The following PRKCE variants were observed in gnomAD, a reference collection of about 807,000 sequenced individuals.
PRKCE encodes the protein protein kinase C epsilon type.
Under a neutral mutation model 85.4 loss-of-function variants are expected in PRKCE, and 16 were observed. That is an observed-to-expected ratio of 0.19 (90% CI 0.13 to 0.28). The LOEUF is 0.28. Ranked by LOEUF, PRKCE falls within the 10% of genes least tolerant of loss-of-function variation. The pLI is 1.00. For missense variants in PRKCE, 573 were observed against 975.2 expected (o/e 0.59, Z 5.49); for synonymous variants, 388 against 371.5 (o/e 1.04, Z -0.51).
intron 11 of PRKCE, among the ~76,000 whole-genome samples, chr2:46,135,665 A>G (rs943424833): frequency 6.7e-6 from 1 of 149,402 alleles, no homozygotes. Context: ...CCAGAATGAA[A>G]TATTATCTTT....
intron 11 of PRKCE, among the ~76,000 whole-genome samples, chr2:46,122,417 C>T (rs1409022160): frequency 2.0e-5 from 3 of 151,792 alleles, no homozygotes; most frequent in Admixed American, 6.6e-5. Flanking sequence ...TTTTAGTAGA[C>T]GGGGTTTCGC....
intron 14 of PRKCE, among the ~76,000 whole-genome samples, chr2:46,175,234 G>A (rs1466222682): frequency 6.6e-6 from 1 of 152,192 alleles, no homozygotes; most frequent in Non-Finnish European, 1.5e-5. Flanking sequence ...CACATATTTG[G>A]CTATTTGCCT....
chr2:46,134,526 G>T (rs1409073022), intron 11 of PRKCE, among the ~76,000 whole-genome samples: 2 of 152,248 alleles, frequency 1.3e-5, no homozygotes, highest in Admixed American at 1.3e-4. Flanking sequence ...AAAAATGCCT[G>T]CTGGCAAAGG....
chr2:45,687,224 C>T (rs934425064), intron 1 of PRKCE, among the ~76,000 whole-genome samples: 8 of 151,744 alleles, frequency 5.3e-5, no homozygotes, highest in Admixed American at 1.3e-4. Flanking sequence ...AAAAACCAAA[C>T]GACTAATATC....
chr2:45,771,584 G>A (rs1395510030), intron 1 of PRKCE, among the ~76,000 whole-genome samples: 1 of 152,174 alleles, frequency 6.6e-6, no homozygotes, highest in Non-Finnish European at 1.5e-5. Context: ...CCATTGTGAA[G>A]TGGACTAAAT....
chr2:46,037,424 A>G (rs953673049), intron 10 of PRKCE, among the ~76,000 whole-genome samples: 9 of 152,172 alleles, frequency 5.9e-5, no homozygotes, highest in Non-Finnish European at 8.8e-5. Context: ...CATTGTTACC[A>G]TATGACATGG....
In PRKCE at chr2:46,138,259, T is replaced by A. The variant is rs1363835125; in HGVS notation, c.1593-6834T>A. Among the ~76,000 whole-genome samples, 2 of 152,178 alleles carry A rather than the reference T, an allele frequency of 1.3e-5. No individual in the cohort carries two copies. Among genetic ancestry groups the A allele is most frequent in the Non-Finnish European group, 2.9e-5 (2 of 68,030 alleles). ...TCCATGTTCTCCTCACCACAAAGAT[T>A]TCTTTTCCCAGCCCAGAGGAATTTT... is the stretch of plus-strand genomic sequence containing the variant. On this transcript the variant is annotated intron_variant, in intron 11 of 14. Transcript: ENST00000306156. This position sits in a 1 kb window ranked among gnomAD's most constrained non-coding sequence, Gnocchi z 4.2.
At position 46,145,372 on chromosome 2, in the gene PRKCE, G is replaced by A. The variant is rs1675969073; in HGVS notation, c.1731+141G>A. ...TGGATTCTAGGAAGGAGGGAGAAAA[G>A]GAAAGGAAAAAAGTTTGCTGATTGA... On this transcript the variant is annotated intron_variant, in intron 12 of 14. Coordinates refer to ENST00000306156, the MANE Select transcript of PRKCE (RefSeq NM_005400.3). This position sits in a 1 kb window ranked among gnomAD's most constrained non-coding sequence, Gnocchi z 4.6. The A allele has an allele frequency of 1.1e-5, 13 of 1,220,884 alleles. No homozygotes were observed. The highest frequency in any genetic ancestry group is 9.2e-5 in the Admixed American group (4 of 43,322). 75.6% of individuals were successfully genotyped at this position (1,220,884 alleles called of 1,614,324 possible). A position where few individuals can be genotyped will look rare whatever the true frequency, so the allele number is the denominator to read the frequency against.
At chr2:45,853,866 G>T (rs1430248310) in intron 2 of PRKCE, among the ~76,000 whole-genome samples, 1 of 152,084 alleles carries the variant, frequency 6.6e-6, no homozygotes, top group African/African-American at 2.4e-5. Flanking sequence ...GCCACTCAGG[G>T]CCCGCATGCA....
chr2:45,968,248 T>TACACAC (rs35474852), intron 2 of PRKCE, among the ~76,000 whole-genome samples: 1 of 151,118 alleles, frequency 6.6e-6, no homozygotes, highest in Admixed American at 6.6e-5. Context: ...AAGAAAATAT[T>TACACAC]ACACACACAC....
chr2:46,169,799 T>C (rs1678713124), intron 14 of PRKCE, among the ~76,000 whole-genome samples: 1 of 152,098 alleles, frequency 6.6e-6, no homozygotes, highest in Admixed American at 6.5e-5. Context: ...GTGTGGGTGT[T>C]CAACCAAATA....
At chr2:46,028,461 A>G (rs1485439036) in intron 10 of PRKCE, among the ~76,000 whole-genome samples, 1 of 152,226 alleles carries the variant, frequency 6.6e-6, no homozygotes, top group Non-Finnish European at 1.5e-5. Flanking sequence ...AAGTGATGTT[A>G]TAAATTGAAC....
intron 11 of PRKCE, among the ~76,000 whole-genome samples, chr2:46,108,142 G>A (rs998447647): frequency 2.0e-5 from 3 of 152,064 alleles, no homozygotes; most frequent in Non-Finnish European, 4.4e-5. Context: ...TGCCCAGGCG[G>A]GTCTCTAACT....
chr2:46,157,124 A>G (rs544549653), intron 13 of PRKCE, among the ~76,000 whole-genome samples: 1 of 152,304 alleles, frequency 6.6e-6, no homozygotes, highest in East Asian at 1.9e-4. Context: ...GAATCACTGC[A>G]GAGGACTCTC....
chr2:45,713,397 A>G (rs150120692), intron 1 of PRKCE, among the ~76,000 whole-genome samples: 1 of 152,254 alleles, frequency 6.6e-6, no homozygotes, highest in East Asian at 1.9e-4. Flanking sequence ...AAGACTCATT[A>G]TGTCCTGTGT....
At chr2:45,710,995 T>C (rs977141035) in intron 1 of PRKCE, among the ~76,000 whole-genome samples, 15 of 152,242 alleles carry the variant, frequency 9.9e-5, no homozygotes, top group African/African-American at 3.6e-4. Context: ...TCTCTCACTA[T>C]TCTAAGTATT....
chr2:46,039,519 TG>T (rs1708094848), intron 10 of PRKCE, among the ~76,000 whole-genome samples: 1 of 152,152 alleles, frequency 6.6e-6, no homozygotes, highest in African/African-American at 2.4e-5. Context: ...GGGGTTTTTT[TG>T]TTGTTGTTTT....
rs541699402 is a variant in PRKCE, at chr2:46,014,670, C to CT, written c.1437+4154dup. Among the ~76,000 whole-genome samples the CT allele has an allele frequency of 6.6e-5, 10 of 152,286 alleles. No homozygotes were observed. The East Asian group carries it at 1.7e-3, about 26-fold the overall frequency. ...TTGTTAAGCATCTATGTGCTAGACA[C>CT]TGTGCTAGATTCTAGGGCTACAAAG... On this transcript the variant is annotated intron_variant, in intron 10 of 14. Coordinates refer to ENST00000306156, the MANE Select transcript of PRKCE (RefSeq NM_005400.3).
At chr2:45,913,728 T>G (rs913104349) in intron 2 of PRKCE, among the ~76,000 whole-genome samples, 2 of 152,212 alleles carry the variant, frequency 1.3e-5, no homozygotes, top group Non-Finnish European at 2.9e-5. Flanking sequence ...TTGAGTGCAT[T>G]CCAAGGCTGC....
Sources: gnomAD v4.1 joint callset for allele counts (sites outside exome capture counted in the v4.1 genomes callset) on GRCh38, gnomAD v4.1.1 for gene constraint, Gnocchi (gnomAD v3.1) non-coding constraint, MANE v1.5 for transcripts, NCBI Gene and HGNC (gene_info 2026-07-23, HGNC 2026-07-21) for gene names.